Variants in IL16 observed in about 807,000 individuals in gnomAD.
The protein encoded by IL16 is interleukin 16.
IL16 carries 67 observed loss-of-function variants against 110.1 expected under a neutral mutation model. The ratio of observed to expected loss-of-function variants is 0.61; its 90% CI spans 0.50 to 0.75. The LOEUF (loss-of-function observed/expected upper bound fraction) is 0.75. IL16 is among the 30% of genes least tolerant of loss of function. IL16 has a pLI of 0.00. For missense variants in IL16, 1,545 were observed against 1,655.0 expected (o/e 0.93, Z 1.15); for synonymous variants, 689 against 662.9 (o/e 1.04, Z -0.61).
In IL16 at chr15:81,301,471, C is replaced by A; in HGVS notation, c.3277C>A (p.Leu1093Ile). Residue 1093 changes from leucine (L) to isoleucine (I), a missense_variant, in exon 15 of 19, where the codon CTC becomes ATC. Physicochemically the swap from Leu to Ile is conservative, Grantham distance 5. Coordinates refer to ENST00000683961, the MANE Select transcript of IL16 (RefSeq NM_172217.5). ...GCTGAGCTCAGAAGAATTAAAAAAA[C>A]TCATCGAGGAGGTGAAGGTTCTGGA... ...SLLSSEELKK[L>I]IEEVKVLDEA... 1 of 1,614,068 alleles carries A rather than the reference C, an allele frequency of 6.2e-7. No homozygotes were observed. Among genetic ancestry groups the A allele is most frequent in the South Asian group, 1.1e-5 (1 of 91,072 alleles).
intron 2 of IL16, among the ~76,000 whole-genome samples, chr15:81,255,519 GAGA>G (rs1410976576): frequency 1.3e-5 from 2 of 152,232 alleles, no homozygotes; most frequent in Non-Finnish European, 2.9e-5. Context: ...GTGAAGGAAG[GAGA>G]AGGACTCATC....
intron 2 of IL16, among the ~76,000 whole-genome samples, chr15:81,234,027 ATATTCTTTTGAC>A (rs1243933399): frequency 5.9e-5 from 9 of 152,166 alleles, no homozygotes; most frequent in Middle Eastern, 3.4e-3. Context: ...CAATTTCGAA[ATATTCTTTTGAC>A]TAGTGCTGAT....
intron 2 of IL16, among the ~76,000 whole-genome samples, chr15:81,251,717 T>C (rs1897775837): frequency 6.6e-6 from 1 of 152,222 alleles, no homozygotes; most frequent in Non-Finnish European, 1.5e-5. Context: ...TCATTGCATA[T>C]ATTACTTTGC....
At position 81,271,516 on chromosome 15, in the gene IL16, C is replaced by T. The variant is rs912994531; in HGVS notation, c.676-1574C>T. ...GTATGTGTGTATATAGATATGGAGA[C>T]GGGGGACCTGGGAGGTTGCAGGACT... On this transcript the variant is annotated intron_variant, in intron 5 of 18. Coordinates refer to ENST00000683961, the MANE Select transcript of IL16 (RefSeq NM_172217.5). Among the ~76,000 whole-genome samples the T allele has an allele frequency of 6.6e-5, 10 of 151,990 alleles. No homozygotes were observed. In the East Asian group the frequency reaches 1.5e-3, roughly 24 times the overall value.
At chr15:81,256,066 C>T (rs916389181) in intron 2 of IL16, among the ~76,000 whole-genome samples, 2 of 152,186 alleles carry the variant, frequency 1.3e-5, no homozygotes, top group Non-Finnish European at 2.9e-5. Context: ...CAAACCCACT[C>T]TTGCTAATTC....
intron 1 of IL16, among the ~76,000 whole-genome samples, chr15:81,213,070 T>C (rs1288104306): frequency 6.6e-6 from 1 of 152,204 alleles, no homozygotes. Flanking sequence ...CCCAGAGATT[T>C]TGGTAAGTTG....
At chr15:81,188,745 T>G (rs1895453632) in intron 1 of IL16, among the ~76,000 whole-genome samples, 1 of 152,172 alleles carries the variant, frequency 6.6e-6, no homozygotes, top group Non-Finnish European at 1.5e-5. Context: ...CCCTTCTTCC[T>G]CCCGGCCTTT....
rs757178178 is a variant in IL16, at chr15:81,197,165, C to T, written c.-102+13C>T. 4 of 1,286,692 alleles carry T rather than the reference C, an allele frequency of 3.1e-6. No homozygotes were observed. The South Asian group carries it at 3.7e-5, about 12-fold the overall frequency. 79.7% of individuals were successfully genotyped at this position (1,286,692 alleles called of 1,614,324 possible). On this transcript the variant is annotated intron_variant, in intron 1 of 18. Transcript: ENST00000683961. ...AGGTGGGCACCAGGTGAGTGAATGT[C>T]TGTCAGGCAGCTGCTCTGTCCAGGT...
chr15:81,284,907 A>C (rs1291999213), intron 9 of IL16, among the ~76,000 whole-genome samples: 1 of 152,214 alleles, frequency 6.6e-6, no homozygotes, highest in African/African-American at 2.4e-5. Context: ...AAAGCATGCA[A>C]CACCAAAAAT....
chr15:81,191,819 AAG>A (rs1876341893), intron 1 of IL16, among the ~76,000 whole-genome samples: 1 of 152,188 alleles, frequency 6.6e-6, no homozygotes, highest in African/African-American at 2.4e-5. Flanking sequence ...TTATTCAAGA[AAG>A]AGCCAGAAGG....
In IL16 at chr15:81,299,960, T is replaced by C. The variant is rs771236502; in HGVS notation, c.2634T>C (p.His878=). 5.6e-6 allele frequency: 9 copies of C among 1,609,676 alleles called. No homozygotes were observed. The highest frequency in any genetic ancestry group is 1.7e-4 in the Middle Eastern group (1 of 6,036). ...SGEAAKPLGK[H]EEGRFSGLLG... is the part of the protein sequence containing the mutation. Reference sequence around the variant, plus strand: ...AGGCAGCAAAACCTCTTGGGAAGCATGAGGAAGGACGGTTTTCTGGACTCT... The same window carrying C: ...AGGCAGCAAAACCTCTTGGGAAGCACGAGGAAGGACGGTTTTCTGGACTCT... The change falls in exon 14 of 19, where the codon CAT becomes CAC. Residue 878 remains histidine (H), a synonymous_variant. Transcript: ENST00000683961.
chr15:81,296,268 A>G (rs1187492572), intron 12 of IL16, among the ~76,000 whole-genome samples: 2 of 152,180 alleles, frequency 1.3e-5, no homozygotes, highest in Admixed American at 1.3e-4. Flanking sequence ...CAAGTATTGC[A>G]TAGCTATTCA....
intron 12 of IL16, 122 bp downstream of exon 12, chr15:81,293,159 G>T: frequency 9.2e-7 from 1 of 1,092,430 alleles, no homozygotes; most frequent in Non-Finnish European, 1.3e-6. Context: ...CCACCAGAGA[G>T]AAACTGTTGC....
chr15:81,306,214 G>A (rs1221658356), intron 17 of IL16, 48 bp downstream of exon 17: 1 of 1,587,476 alleles, frequency 6.3e-7, no homozygotes, highest in Admixed American at 1.7e-5. Flanking sequence ...CATCCTCTTT[G>A]GCCATTTGGG....
chr15:81,299,996 G>C lies in IL16; in HGVS notation c.2670G>C (p.Gly890=). ...EGRFSGLLGR[G]AAPTLVPQQP... is the part of the protein sequence containing the mutation. ...GGTTTTCTGGACTCTTGGGGCGAGG[G>C]GCTGCACCCACTCTTGTGCCCCAGC... Residue 890 remains glycine (G), a synonymous_variant, in exon 14 of 19, where the codon GGG becomes GGC. Coordinates refer to ENST00000683961, the MANE Select transcript of IL16 (RefSeq NM_172217.5). 1 of 1,592,162 alleles carries C rather than the reference G, an allele frequency of 6.3e-7. No individual in the cohort carries two copies. Among genetic ancestry groups the C allele is most frequent in the Non-Finnish European group, 8.6e-7 (1 of 1,168,760 alleles).
intron 2 of IL16, among the ~76,000 whole-genome samples, chr15:81,250,900 C>A (rs1237891824): frequency 6.6e-6 from 1 of 152,070 alleles, no homozygotes; most frequent in Admixed American, 6.5e-5. Context: ...CCTTTTTATC[C>A]AAGAGAAGTA....
chr15:81,258,736 TCTCTCTCTCTCTGTCACTCG>T (rs1297769671), intron 2 of IL16, among the ~76,000 whole-genome samples: 1 of 150,246 alleles, frequency 6.7e-6, no homozygotes, highest in East Asian at 1.9e-4. Context: ...ACGCGCTCTC[TCTCTCTCTCTCTGTCACTCG>T]CTCTCTCTCT....
chr15:81,208,222 T>C (rs1183321984), intron 1 of IL16, among the ~76,000 whole-genome samples: 2 of 152,326 alleles, frequency 1.3e-5, no homozygotes, highest in Non-Finnish European at 2.9e-5. Context: ...AATGGGGTTA[T>C]TTGGTTTTTG....
At chr15:81,212,080 G>C (rs1301733958) in intron 1 of IL16, among the ~76,000 whole-genome samples, 1 of 151,542 alleles carries the variant, frequency 6.6e-6, no homozygotes, top group East Asian at 1.9e-4. Context: ...ATTGATACCA[G>C]TTCTTTGTAC....
Sources: allele counts gnomAD v4.1 joint callset (sites outside exome capture counted in the v4.1 genomes callset), GRCh38; gene constraint gnomAD v4.1.1; transcripts MANE v1.5; gene names NCBI Gene and HGNC (gene_info 2026-07-23, HGNC 2026-07-21).